RAD23B: variants seen among roughly 807,000 people sequenced by gnomAD.
RAD23B encodes the protein lysine-specific demethylase RAD23B.
In RAD23B, 5 loss-of-function variants were observed where a neutral mutation model predicts 49.1. That is an observed-to-expected ratio of 0.10 (90% CI 0.05 to 0.21). The LOEUF is 0.21. Ranked by LOEUF, RAD23B falls within the 10% of genes least tolerant of loss-of-function variation. The pLI, the probability that RAD23B is intolerant of heterozygous loss-of-function variation, is 1.00. For missense variants in RAD23B, 356 were observed against 486.7 expected, an observed-to-expected ratio of 0.73 and a Z score of 2.53; for synonymous variants, 184 against 165.4, an observed-to-expected ratio of 1.11 and a Z score of -0.86.
chr9:107,317,861 A>G (rs890681665), intron 5 of RAD23B, among the ~76,000 whole-genome samples: 95 of 152,106 alleles, frequency 6.2e-4, no homozygotes, highest in Admixed American at 6.2e-3. Context: ...TGGGCATTTT[A>G]CCAACTTTGT....
chr9:107,318,894 T>C lies in RAD23B; in HGVS notation c.681+15T>C, dbSNP rs1827050332. 6.2e-7 allele frequency: 1 copy of C among 1,602,922 alleles called. No individual in the cohort carries two copies. The highest frequency in any genetic ancestry group is 2.2e-5 in the East Asian group (1 of 44,714). On this transcript the variant is annotated intron_variant, in intron 6 of 9. Transcript: ENST00000358015. The surrounding 1 kb of genome is among the most constrained non-coding windows in gnomAD (Gnocchi z 4.3). ...ATCTTTTAATGGTGAGAAATATGTTTTACTTTACTCCATTCTGTTGTTTAA... is the reference window on the plus strand; with the variant it reads ...ATCTTTTAATGGTGAGAAATATGTTCTACTTTACTCCATTCTGTTGTTTAA...
intron 3 of RAD23B, among the ~76,000 whole-genome samples, chr9:107,302,919 G>C (rs899477034): frequency 1.3e-5 from 2 of 152,172 alleles, no homozygotes; most frequent in African/African-American, 4.8e-5. Context: ...GCCTCCCAAA[G>C]TGCTGGGATT....
At chr9:107,310,258 A>G (rs748638230) in intron 4 of RAD23B, among the ~76,000 whole-genome samples, 6 of 152,184 alleles carry the variant, frequency 3.9e-5, no homozygotes, top group Admixed American at 1.3e-4. Flanking sequence ...TGTAAAAGCA[A>G]AGCCATAAGC....
rs1374828264 is a variant in RAD23B at position 107,306,045 on chromosome 9, T to TTATATATATA, written c.229-329_229-328insATATATATAT. The stretch of plus-strand genomic sequence containing the variant: ...AGTTTTTTTGGGAAAATGATACGGT[T>TTATATATATA]TATATCTATATATATATATATATAT... On this transcript the variant is annotated intron_variant, in intron 3 of 9. Coordinates refer to ENST00000358015, the MANE Select transcript of RAD23B (RefSeq NM_002874.5). 2.6e-3 allele frequency among the ~76,000 whole-genome samples: 69 copies of TTATATATATA among 26,778 alleles called. 1 individual carries two copies. The highest frequency in any genetic ancestry group is 7.9e-3 in the African/African-American group (62 of 7,800). 17.6% of individuals were successfully genotyped at this position (26,778 alleles called of 152,430 possible).
rs11380914 is a variant in RAD23B, at chr9:107,297,161, CT to C, written c.67-2970del. Among the ~76,000 whole-genome samples, 18 of 147,846 alleles carry C rather than the reference CT, an allele frequency of 1.2e-4. No homozygotes were observed. The South Asian group carries it at 2.6e-3, about 21-fold the overall frequency. On this transcript the variant is annotated intron_variant, in intron 1 of 9. Transcript: ENST00000358015. ...GCCACTGCGCCTGGCCTCTTAATTT[CT>C]TTTTTTTTTAATTTTTATTTGTCCT...
In RAD23B at chr9:107,300,219, G is replaced by T; in HGVS notation, c.145G>T (p.Ala49Ser). ...FPVAGQKLIY[A>S]GKILNDDTAL... The stretch of plus-strand genomic sequence containing the variant: ...AGTAGCAGGTCAAAAATTAATTTAT[G>T]CAGGTATGAATTAAATATTAAAATT... The change falls in exon 2 of 10, where the codon GCA becomes TCA. Residue 49 changes from alanine to serine, a missense_variant. Coordinates refer to ENST00000358015, the MANE Select transcript of RAD23B (RefSeq NM_002874.5). The T allele has an allele frequency of 6.2e-7, 1 of 1,606,164 alleles. No homozygotes were observed. Among genetic ancestry groups the T allele is most frequent in the Non-Finnish European group, 8.5e-7 (1 of 1,176,572 alleles).
chr9:107,311,685 A>G lies in RAD23B; in HGVS notation c.501A>G (p.Thr167=). Residue 167 remains threonine (T), a synonymous_variant, in exon 5 of 10, where the codon ACA becomes ACG. Transcript: ENST00000358015. The part of the protein sequence containing the change: ...VATSPTATDS[T]SGDSSRSNLF... Reference sequence around the variant, plus strand: ...TTTTTCTAAAATCCTTTTGTAGTACATCGGGTGATTCTTCTCGGTCAAACC... The same window carrying G: ...TTTTTCTAAAATCCTTTTGTAGTACGTCGGGTGATTCTTCTCGGTCAAACC... 4.4e-6 allele frequency: 7 copies of G among 1,575,236 alleles called. No individual in the cohort carries two copies. Among genetic ancestry groups the G allele is most frequent in the Non-Finnish European group, 6.0e-6 (7 of 1,167,668 alleles).
chr9:107,292,850 A>G (rs1833410599), intron 1 of RAD23B, among the ~76,000 whole-genome samples: 1 of 152,168 alleles, frequency 6.6e-6, no homozygotes, highest in Admixed American at 6.5e-5. Context: ...CCCATTAGAA[A>G]AAGAGGATAA....
At chr9:107,328,505 T>A (rs540325165) in intron 9 of RAD23B, among the ~76,000 whole-genome samples, 1 of 152,192 alleles carries the variant, frequency 6.6e-6, no homozygotes, top group Non-Finnish European at 1.5e-5. Context: ...CCTAGATCCC[T>A]CTCATGCACA....
At chr9:107,287,626 GGAGTTCCA>G (rs1463910663) in intron 1 of RAD23B, among the ~76,000 whole-genome samples, 2 of 152,110 alleles carry the variant, frequency 1.3e-5, no homozygotes, top group Admixed American at 6.5e-5. Context: ...CCTGAGGTCA[GGAGTTCCA>G]GACCAGCCTG....
intron 1 of RAD23B, 52 bp downstream of exon 1, chr9:107,283,747 G>A (rs1192173761): frequency 2.2e-6 from 3 of 1,354,706 alleles, no homozygotes; most frequent in Non-Finnish European, 2.9e-6. Context: ...CGCGGGGAGC[G>A]CCAGGAGCTC....
At position 107,297,706 on chromosome 9, in the gene RAD23B, C is replaced by CT. The variant is rs370317056; in HGVS notation, c.67-2421dup. ...ATTTAGTAGTAAATTACTAAAGGGC[C>CT]TTTTTTTTTTTTTTGGTCCAGCTTT... On this transcript the variant is annotated intron_variant, in intron 1 of 9. Coordinates refer to ENST00000358015, the MANE Select transcript of RAD23B (RefSeq NM_002874.5). Among the ~76,000 whole-genome samples the CT allele has an allele frequency of 8.2e-3, 1,086 of 132,048 alleles. 3 individuals carry two copies. The highest frequency in any genetic ancestry group is 0.047 in the Middle Eastern group (11 of 234). 86.6% of individuals were successfully genotyped at this position (132,048 alleles called of 152,430 possible).
At chr9:107,323,643 A>C (rs1827148842) in intron 7 of RAD23B, among the ~76,000 whole-genome samples, 2 of 152,188 alleles carry the variant, frequency 1.3e-5, no homozygotes, top group South Asian at 4.1e-4. Flanking sequence ...CAATTATAGG[A>C]AAGTTTGGTT....
rs368041527 is a variant in RAD23B, at chr9:107,311,752, T to C, written c.553+15T>C. The C allele has an allele frequency of 3.0e-4, 469 of 1,556,678 alleles. No individual in the cohort carries two copies. The highest frequency in any genetic ancestry group is 3.6e-4 in the Non-Finnish European group (415 of 1,156,830). On this transcript the variant is annotated intron_variant, in intron 5 of 9. Transcript: ENST00000358015. ...GAGTGCACTTGGTAAGTATCTGCTTTTCCTTATAAATAACCTATAAAGAGA... is the reference window on the plus strand; with the variant it reads ...GAGTGCACTTGGTAAGTATCTGCTTCTCCTTATAAATAACCTATAAAGAGA...
At chr9:107,322,643 GC>G (rs11573706) in intron 7 of RAD23B, among the ~76,000 whole-genome samples, 21,521 of 152,198 alleles carry the variant, frequency 0.14, 1,646 homozygotes, top group African/African-American at 0.18. Flanking sequence ...ACAGAGCAAA[GC>G]CTGGAACCTG....
intron 5 of RAD23B, among the ~76,000 whole-genome samples, chr9:107,315,202 A>G (rs1436473150): frequency 6.6e-6 from 1 of 152,014 alleles, no homozygotes; most frequent in East Asian, 1.9e-4. Flanking sequence ...TGGCTATCCA[A>G]TTTCCCAGCA....
At chr9:107,285,468 T>C (rs963317576) in intron 1 of RAD23B, among the ~76,000 whole-genome samples, 2 of 152,220 alleles carry the variant, frequency 1.3e-5, no homozygotes, top group Non-Finnish European at 2.9e-5. Context: ...GTGGGTGTAT[T>C]GAAGTTATGC....
At chr9:107,287,338 G>T (rs1302944641) in intron 1 of RAD23B, among the ~76,000 whole-genome samples, 1 of 152,158 alleles carries the variant, frequency 6.6e-6, no homozygotes, top group African/African-American at 2.4e-5. Flanking sequence ...GACACTGTTT[G>T]CCTTGAACAA....
chr9:107,291,479 G>C (rs1833383623), intron 1 of RAD23B, among the ~76,000 whole-genome samples: 1 of 152,166 alleles, frequency 6.6e-6, no homozygotes, highest in Non-Finnish European at 1.5e-5. Context: ...CTTTGTTATA[G>C]TGCCTGCCTC....
Sources: allele counts gnomAD v4.1 joint callset (sites outside exome capture counted in the v4.1 genomes callset), GRCh38; gene constraint gnomAD v4.1.1; non-coding constraint Gnocchi (gnomAD v3.1); transcripts MANE v1.5; gene names NCBI Gene and HGNC (gene_info 2026-07-23, HGNC 2026-07-21).